NLK: variants seen among roughly 807,000 people sequenced by gnomAD.
NLK encodes nemo like kinase.
Under a neutral mutation model 59.0 loss-of-function variants are expected in NLK, and 11 were observed. That is an observed-to-expected ratio of 0.19 (90% CI 0.12 to 0.31). NLK has a LOEUF of 0.31. Ranked by LOEUF, NLK falls within the 10% of genes least tolerant of loss-of-function variation. The pLI is 1.00. For missense variants in NLK, 410 were observed against 661.1 expected (o/e 0.62, Z 4.16); for synonymous variants, 235 against 235.9 (o/e 1.00, Z 0.03).
At chr17:28,065,417 T>C (rs905093944) in intron 1 of NLK, among the ~76,000 whole-genome samples, 1 of 152,076 alleles carries the variant, frequency 6.6e-6, no homozygotes, top group Non-Finnish European at 1.5e-5. Flanking sequence ...AATTGGTTCA[T>C]TATGGTTAGA....
chr17:28,056,060 AC>A, intron 1 of NLK, among the ~76,000 whole-genome samples: 1 of 152,308 alleles, frequency 6.6e-6, no homozygotes, highest in Non-Finnish European at 1.5e-5. Flanking sequence ...GTAACCTACA[AC>A]TCAGAGATAA....
At chr17:28,169,721 C>CTTTT (rs1193124964) in intron 6 of NLK, among the ~76,000 whole-genome samples, 32 of 111,572 alleles carry the variant, frequency 2.9e-4, no homozygotes, top group Non-Finnish European at 3.8e-4. Flanking sequence ...GCTTCTTCTT[C>CTTTT]TTTTTTTTTT....
chr17:28,118,978 GCC>G (rs1051881051), intron 1 of NLK, among the ~76,000 whole-genome samples: 1 of 152,164 alleles, frequency 6.6e-6, no homozygotes, highest in Non-Finnish European at 1.5e-5. Context: ...GAAAGTAACT[GCC>G]CTAGAATTGT....
chr17:28,103,727 A>G (rs916829042), intron 1 of NLK, among the ~76,000 whole-genome samples: 1 of 152,240 alleles, frequency 6.6e-6, no homozygotes, highest in Non-Finnish European at 1.5e-5. Context: ...AGGTCTGATT[A>G]AGGTTTGTAA....
downstream of NLK, among the ~76,000 whole-genome samples, chr17:28,201,262 T>A (rs1597733903): frequency 6.6e-6 from 1 of 152,100 alleles, no homozygotes; most frequent in African/African-American, 2.4e-5. Flanking sequence ...TGTATTTTTT[T>A]AGTAGAGATG....
At chr17:28,059,000 C>G (rs1909537633) in intron 1 of NLK, among the ~76,000 whole-genome samples, 1 of 152,050 alleles carries the variant, frequency 6.6e-6, no homozygotes, top group Non-Finnish European at 1.5e-5. Flanking sequence ...GTGGAGTGTG[C>G]CTGTAGTCCC....
chr17:28,056,777 A>T (rs974022228), intron 1 of NLK, among the ~76,000 whole-genome samples: 7 of 152,078 alleles, frequency 4.6e-5, no homozygotes, highest in African/African-American at 1.4e-4. Flanking sequence ...GAATTGTATG[A>T]TATATCCAAT....
downstream of NLK, among the ~76,000 whole-genome samples, chr17:28,199,455 CA>C (rs1909565727): frequency 6.6e-6 from 1 of 151,886 alleles, no homozygotes; most frequent in South Asian, 2.1e-4. Flanking sequence ...CACCTGAGGT[CA>C]AGAGTTCGAG....
intron 1 of NLK, among the ~76,000 whole-genome samples, chr17:28,115,389 A>AG (rs1433157386): frequency 1.3e-5 from 2 of 152,242 alleles, no homozygotes; most frequent in African/African-American, 2.4e-5. Flanking sequence ...GAGAGACAAT[A>AG]GCTTAATAAC....
chr17:28,130,364 A>G lies in NLK; in HGVS notation c.589-2256A>G, dbSNP rs146259980. Among the ~76,000 whole-genome samples the G allele has an allele frequency of 8.3e-4, 126 of 152,294 alleles. 1 individual carries two copies. Among genetic ancestry groups the G allele is most frequent in the African/African-American group, 2.9e-3 (119 of 41,576 alleles). On this transcript the variant is annotated intron_variant, in intron 2 of 10. Transcript: ENST00000407008. ...TTTTTACCACCTAGAAGCACTGTAG[A>G]ATGCCATCCTCTGATAAACATTTTG...
rs759026568 is a variant in NLK at position 28,194,681 on chromosome 17, C to T, written c.*45C>T. The T allele has an allele frequency of 1.4e-6, 2 of 1,423,200 alleles. No homozygotes were observed. Among genetic ancestry groups the T allele is most frequent in the Non-Finnish European group, 9.7e-7 (1 of 1,026,696 alleles). 88.2% of individuals were successfully genotyped at this position (1,423,200 alleles called of 1,614,324 possible). A position where few individuals can be genotyped will look rare whatever the true frequency, so the allele number is the denominator to read the frequency against. On this transcript the variant is annotated 3_prime_UTR_variant, in exon 11 of 11. Coordinates refer to ENST00000407008, the MANE Select transcript of NLK (RefSeq NM_016231.5). ...ACTGAAGATGTAATGTAGCTTTCCA[C>T]TGGAGTCTGGGATTTGCAATTCTGG... is the stretch of plus-strand genomic sequence containing the variant.
chr17:28,202,515 A>T, the NLK span, among the ~76,000 whole-genome samples: 1 of 151,292 alleles, frequency 6.6e-6, no homozygotes, highest in African/African-American at 2.4e-5. Context: ...AGATTTTTAC[A>T]TCTGTGTTCA....
At position 28,042,927 on chromosome 17, in the gene NLK, C is replaced by T. The variant is rs143100809; in HGVS notation, c.54C>T (p.Gly18=). ...CAAAAATGATGGCGGCTTACAATGG[C>T]GGTACATCTGCAGCAGCAGCAGGTC... is the stretch of plus-strand genomic sequence containing the variant. ...ANAKMMAAYN[G]GTSAAAAGHH... is the part of the protein sequence containing the mutation. Residue 18 remains glycine (G), a synonymous_variant, in exon 1 of 11, where the codon GGC becomes GGT. Coordinates refer to ENST00000407008, the MANE Select transcript of NLK (RefSeq NM_016231.5). 1.8e-4 allele frequency: 274 copies of T among 1,547,426 alleles called. No homozygotes were observed. In the African/African-American group the frequency reaches 3.3e-3, roughly 18 times the overall value.
chr17:28,064,279 T>C lies in NLK; in HGVS notation c.458+20948T>C, dbSNP rs35906453. Among the ~76,000 whole-genome samples, 985 of 150,526 alleles carry C rather than the reference T, an allele frequency of 6.5e-3. 15 individuals are homozygous for C. Among genetic ancestry groups the C allele is most frequent in the African/African-American group, 0.022 (916 of 41,038 alleles). On this transcript the variant is annotated intron_variant, in intron 1 of 10. Transcript: ENST00000407008. ...TTGGTCTCATGAGTAACTAGGGCTATGGGCATGTAACACCAAGCCTGGCTA... is the reference window on the plus strand; with the variant it reads ...TTGGTCTCATGAGTAACTAGGGCTACGGGCATGTAACACCAAGCCTGGCTA...
At chr17:28,148,194 AAAAAG>A (rs895826307) in intron 3 of NLK, among the ~76,000 whole-genome samples, 1 of 152,158 alleles carries the variant, frequency 6.6e-6, no homozygotes, top group African/African-American at 2.4e-5. Flanking sequence ...TTTAGACTTT[AAAAAG>A]AAATCTGTAA....
chr17:28,178,318 A>T (rs1383824083), intron 7 of NLK, among the ~76,000 whole-genome samples: 2 of 152,086 alleles, frequency 1.3e-5, no homozygotes, highest in Non-Finnish European at 2.9e-5. Flanking sequence ...GAGTTGGGAG[A>T]TTGCAATCAA....
In NLK at chr17:28,122,673, G is replaced by C. The variant is rs1429512273; in HGVS notation, c.529G>C (p.Val177Leu). ...KKMPNVFQNL[V>L]SCKRVFRELK... ...GATGCCCAACGTCTTCCAGAATCTGGTCTCTTGCAAAAGGGTCTTCCGGGA... is the reference window on the plus strand; with the variant it reads ...GATGCCCAACGTCTTCCAGAATCTGCTCTCTTGCAAAAGGGTCTTCCGGGA... Residue 177 changes from valine to leucine, a missense_variant, in exon 2 of 11, where the codon GTC (valine) becomes CTC (leucine). This residue lies in a region of NLK where 73 missense variants were observed against 197.2 expected (regional missense o/e 0.37). Coordinates refer to ENST00000407008, the MANE Select transcript of NLK (RefSeq NM_016231.5). 6.2e-7 allele frequency: 1 copy of C among 1,613,752 alleles called. No individual in the cohort carries two copies. Among genetic ancestry groups the C allele is most frequent in the South Asian group, 1.1e-5 (1 of 91,076 alleles).
intron 1 of NLK, among the ~76,000 whole-genome samples, chr17:28,065,442 T>G (rs567717251): frequency 1.3e-5 from 2 of 152,174 alleles, no homozygotes; most frequent in Non-Finnish European, 2.9e-5. Context: ...AGGATGAATG[T>G]GATCGCTAAG....
At chr17:28,183,429 AGCAATCC>A (rs1271700097) in intron 7 of NLK, among the ~76,000 whole-genome samples, 2 of 152,128 alleles carry the variant, frequency 1.3e-5, no homozygotes, top group East Asian at 1.9e-4. Flanking sequence ...CCCAGGTTCA[AGCAATCC>A]TCTCACATCA....
Sources: gnomAD v4.1 joint callset for allele counts (sites outside exome capture counted in the v4.1 genomes callset) on GRCh38, gnomAD v4.1.1 for gene constraint, gnomAD v4.1.1 regional missense constraint, MANE v1.5 for transcripts, NCBI Gene and HGNC (gene_info 2026-07-23, HGNC 2026-07-21) for gene names.